The following INTS12 variants were observed in gnomAD, a reference collection of about 807,000 sequenced individuals.
The protein encoded by INTS12 is integrator complex subunit 12.
Under a neutral mutation model 41.6 loss-of-function variants are expected in INTS12, and 13 were observed. The observed-to-expected ratio is 0.31, with a 90% CI of 0.20 to 0.50. INTS12 has a LOEUF of 0.50. Ranked by LOEUF, INTS12 falls within the 20% of genes least tolerant of loss-of-function variation. The pLI, the probability that INTS12 is intolerant of heterozygous loss-of-function variation, is 0.98. For missense variants in INTS12, 432 were observed against 541.6 expected (o/e 0.80, Z 2.01); for synonymous variants, 199 against 191.4 (o/e 1.04, Z -0.33).
chr4:105,708,619 G>A lies in INTS12; in HGVS notation c.-172+19C>T. 1 of 984,972 alleles carries A rather than the reference G, an allele frequency of 1.0e-6. No homozygotes were observed. Among genetic ancestry groups the A allele is most frequent in the Non-Finnish European group, 1.2e-6 (1 of 829,838 alleles). The allele number at this position is 984,972 out of a possible 1,614,324, so 61.0% of individuals were successfully genotyped here. A position where few individuals can be genotyped will look rare whatever the true frequency, so the allele number is the denominator to read the frequency against. On this transcript the variant is annotated intron_variant, in intron 1 of 7. Transcript: ENST00000340139. ...GAGCCTCCAGGAGGCCAGGAGCAGA[G>A]TCGCTCAGCATAACTCACCGTTCCG...
chr4:105,707,746 T>C (rs1284273997), intron 1 of INTS12, among the ~76,000 whole-genome samples: 2 of 152,232 alleles, frequency 1.3e-5, no homozygotes, highest in African/African-American at 4.8e-5. Flanking sequence ...TTCACTGTTA[T>C]TTCCCTAGTG....
chr4:105,700,706 AACACACACACACAC>A (rs767514862), intron 2 of INTS12, among the ~76,000 whole-genome samples: 42 of 134,806 alleles, frequency 3.1e-4, no homozygotes, highest in African/African-American at 1.2e-3. Flanking sequence ...ATCTACTTAA[AACACACACACACAC>A]ACACACACAC....
At chr4:105,697,175 C>G (rs1464898374) in intron 3 of INTS12, among the ~76,000 whole-genome samples, 2 of 152,096 alleles carry the variant, frequency 1.3e-5, no homozygotes, top group Admixed American at 1.3e-4. Context: ...AAATTCAATT[C>G]CTTATTCATG....
At chr4:105,689,726 G>C (rs1201176398) in intron 6 of INTS12, among the ~76,000 whole-genome samples, 1 of 151,848 alleles carries the variant, frequency 6.6e-6, no homozygotes, top group Non-Finnish European at 1.5e-5. Context: ...AATGTAGCAA[G>C]ACTCCATCTC....
chr4:105,695,343 C>A (rs538616688), intron 4 of INTS12, among the ~76,000 whole-genome samples, 173 bp downstream of exon 4: 2 of 152,170 alleles, frequency 1.3e-5, no homozygotes, highest in East Asian at 3.9e-4. Context: ...GTAAATTTTA[C>A]TCATTTTTTG....
At chr4:105,689,111 A>G (rs2149179525) in intron 6 of INTS12, among the ~76,000 whole-genome samples, 1 of 152,352 alleles carries the variant, frequency 6.6e-6, no homozygotes, top group East Asian at 1.9e-4. Context: ...CCACTGCAAT[A>G]AGTGATATGA....
chr4:105,692,733 T>G (rs916280943), intron 5 of INTS12, among the ~76,000 whole-genome samples: 2 of 152,194 alleles, frequency 1.3e-5, no homozygotes, highest in Admixed American at 1.3e-4. Flanking sequence ...GGTAGTAGAC[T>G]CTGATTAGTC....
At chr4:105,684,994 T>C (rs1263353473) in intron 7 of INTS12, among the ~76,000 whole-genome samples, 1 of 152,086 alleles carries the variant, frequency 6.6e-6, no homozygotes, top group Non-Finnish European at 1.5e-5. Context: ...TGGTTTATAA[T>C]ACTATCAGGA....
chr4:105,691,182 C>G (rs1731670209), intron 6 of INTS12, among the ~76,000 whole-genome samples: 1 of 152,088 alleles, frequency 6.6e-6, no homozygotes, highest in Admixed American at 6.6e-5. Context: ...TATAGAAATT[C>G]ATTTGATTAA....
At chr4:105,694,924 C>A (rs1203957710) in intron 4 of INTS12, among the ~76,000 whole-genome samples, 3 of 151,760 alleles carry the variant, frequency 2.0e-5, no homozygotes, top group Middle Eastern at 3.2e-3. Context: ...TCTTTTCTTT[C>A]TTGCTTTCCT....
At chr4:105,705,432 A>G (rs1732232302) in intron 1 of INTS12, 1 of 152,254 alleles carries the variant, frequency 6.6e-6, no homozygotes, top group Non-Finnish European at 1.5e-5. Context: ...CCATGTAGTA[A>G]TAAGAGAAAT....
chr4:105,705,703 T>C (rs1732239633), intron 1 of INTS12: 2 of 152,184 alleles, frequency 1.3e-5, no homozygotes, highest in African/African-American at 2.4e-5. Flanking sequence ...AGCACTTCAG[T>C]AGAAAGTGTG....
At chr4:105,691,427 G>A (rs776167835) in intron 6 of INTS12, among the ~76,000 whole-genome samples, 96 of 152,146 alleles carry the variant, frequency 6.3e-4, no homozygotes, top group Non-Finnish European at 1.1e-3. Context: ...AGGTATGTTA[G>A]TCAACAGTAA....
chr4:105,701,001 G>T (rs1732051466), intron 2 of INTS12, among the ~76,000 whole-genome samples: 1 of 152,030 alleles, frequency 6.6e-6, no homozygotes, highest in Non-Finnish European at 1.5e-5. Context: ...CTATCCTTGA[G>T]GTTAATATTG....
At chr4:105,685,037 A>G (rs1731455282) in intron 7 of INTS12, among the ~76,000 whole-genome samples, 1 of 152,140 alleles carries the variant, frequency 6.6e-6, no homozygotes, top group Admixed American at 6.5e-5. Context: ...AACAATGGAG[A>G]CCAAGTGATT....
chr4:105,683,550 T>C (rs943776860), intron 7 of INTS12, among the ~76,000 whole-genome samples: 2 of 152,180 alleles, frequency 1.3e-5, no homozygotes, highest in African/African-American at 4.8e-5. Flanking sequence ...AAAGAAAATA[T>C]ATGAAATTCC....
chr4:105,689,331 T>TA, intron 6 of INTS12, among the ~76,000 whole-genome samples: 1 of 152,328 alleles, frequency 6.6e-6, no homozygotes, highest in East Asian at 1.9e-4. Context: ...ATCTTTGAGA[T>TA]ACCTTGGAAC....
At chr4:105,685,624 G>C (rs1430659898) in intron 7 of INTS12, among the ~76,000 whole-genome samples, 3 of 151,686 alleles carry the variant, frequency 2.0e-5, no homozygotes, top group Non-Finnish European at 4.4e-5. Context: ...AATAACTTTA[G>C]AGTTTTCTCA....
At chr4:105,704,576 G>A (rs1028105841) in intron 1 of INTS12, among the ~76,000 whole-genome samples, 10 of 152,188 alleles carry the variant, frequency 6.6e-5, no homozygotes, top group Non-Finnish European at 1.2e-4. Flanking sequence ...TCTTTTGCCA[G>A]TGATTACTAA....
Sources: allele counts gnomAD v4.1 joint callset (sites outside exome capture counted in the v4.1 genomes callset), GRCh38; gene constraint gnomAD v4.1.1; transcripts MANE v1.5; gene names NCBI Gene and HGNC (gene_info 2026-07-23, HGNC 2026-07-21).